Variants in DLGAP1 observed in about 807,000 individuals in gnomAD.
DLGAP1 encodes the protein DLG associated protein 1, also known as disks large-associated protein 1.
A neutral mutation model predicts 90.8 loss-of-function variants in DLGAP1; 11 were observed. The ratio of observed to expected loss-of-function variants is 0.12; its 90% CI spans 0.08 to 0.20. The LOEUF (loss-of-function observed/expected upper bound fraction) is 0.20, where lower values mean the gene tolerates loss of function less well. Ranked by LOEUF, DLGAP1 falls within the 10% of genes least tolerant of loss-of-function variation. The probability of loss-of-function intolerance (pLI) is 1.00; values close to 1 mark genes in which losing one functional copy is unlikely to be tolerated. For missense variants in DLGAP1, 1,050 were observed against 1,333.8 expected (o/e 0.79, Z 3.31); for synonymous variants, 558 against 540.7 (o/e 1.03, Z -0.44).
chr18:3,639,456 G>A (rs2058845048), intron 7 of DLGAP1, among the ~76,000 whole-genome samples: 1 of 152,120 alleles, frequency 6.6e-6, no homozygotes, highest in Non-Finnish European at 1.5e-5. Flanking sequence ...GCGTCCAGAG[G>A]AGCCTGCACA....
intron 1 of DLGAP1, among the ~76,000 whole-genome samples, chr18:4,368,412 T>C (rs1178243790): frequency 6.6e-6 from 1 of 152,118 alleles, no homozygotes; most frequent in African/African-American, 2.4e-5. Context: ...TAAAGCAGAT[T>C]ACTCTCTAAA....
chr18:4,233,315 T>C (rs920799631), intron 1 of DLGAP1, among the ~76,000 whole-genome samples: 2 of 152,190 alleles, frequency 1.3e-5, no homozygotes, highest in Non-Finnish European at 2.9e-5. Context: ...TGGCAATTCC[T>C]TAGTATTTCC....
intron 7 of DLGAP1, among the ~76,000 whole-genome samples, chr18:3,646,542 T>A (rs1408827713): frequency 6.6e-6 from 1 of 152,334 alleles, no homozygotes; most frequent in Middle Eastern, 3.4e-3. Context: ...ATTAGTTAGA[T>A]TGCCATTAGA....
chr18:4,180,102 C>T (rs954890611), intron 1 of DLGAP1, among the ~76,000 whole-genome samples: 4 of 152,284 alleles, frequency 2.6e-5, no homozygotes, highest in East Asian at 3.9e-4. Flanking sequence ...CACAATCATG[C>T]GTGCATCAAA....
At chr18:4,375,566 C>G (rs576229376) in intron 1 of DLGAP1, among the ~76,000 whole-genome samples, 1 of 152,164 alleles carries the variant, frequency 6.6e-6, no homozygotes, top group East Asian at 1.9e-4. Flanking sequence ...CTTTCTAAAG[C>G]AAATGATTTT....
chr18:3,522,432 C>T lies in DLGAP1; in HGVS notation c.2479+11762G>A, dbSNP rs536769341. Among the ~76,000 whole-genome samples the T allele has an allele frequency of 5.8e-4, 88 of 151,868 alleles. 1 individual carries two copies. The South Asian group carries it at 0.011, about 18-fold the overall frequency. On this transcript the variant is annotated intron_variant, in intron 10 of 12. Transcript: ENST00000315677. ...GATTACAGGTGTGAGCCGCTGTACTCGGCCTCCCACCTAGCTTTTTCCCCC... is the reference window on the plus strand; with the variant it reads ...GATTACAGGTGTGAGCCGCTGTACTTGGCCTCCCACCTAGCTTTTTCCCCC...
chr18:3,709,157 G>A (rs952304312), intron 7 of DLGAP1, among the ~76,000 whole-genome samples: 1 of 152,156 alleles, frequency 6.6e-6, no homozygotes, highest in Non-Finnish European at 1.5e-5. Flanking sequence ...GATGGCAAGT[G>A]CTATGAAGAA....
At position 3,711,035 on chromosome 18, in the gene DLGAP1, C is replaced by T. The variant is rs952738991; in HGVS notation, c.1591+18100G>A. Among the ~76,000 whole-genome samples, 6 of 152,306 alleles carry T rather than the reference C, an allele frequency of 3.9e-5. No individual in the cohort carries two copies. The highest frequency in any genetic ancestry group is 2.1e-4 in the South Asian group (1 of 4,820). On this transcript the variant is annotated intron_variant, in intron 7 of 12. Coordinates refer to ENST00000315677, the MANE Select transcript of DLGAP1 (RefSeq NM_004746.4). This position sits in a 1 kb window ranked among gnomAD's most constrained non-coding sequence, Gnocchi z 4.0. Reference sequence around the variant, plus strand: ...AGTGAGGGCAAGAAGAAGGCCAGTGCGTCTGCAACAGAAGAGTCCAGAAAC... The same window carrying T: ...AGTGAGGGCAAGAAGAAGGCCAGTGTGTCTGCAACAGAAGAGTCCAGAAAC...
rs981175132 is a variant in DLGAP1 at position 3,627,012 on chromosome 18, T to G, written c.1592-44764A>C. Among the ~76,000 whole-genome samples the G allele has an allele frequency of 4.6e-5, 7 of 152,210 alleles. No homozygotes were observed. In the East Asian group the frequency reaches 5.8e-4, roughly 13 times the overall value. On this transcript the variant is annotated intron_variant, in intron 7 of 12. Transcript: ENST00000315677. ...GTGCACTTTAAACGAGTGGATTTTA[T>G]GACATATGAGTCATATTTCAATAAG...
intron 1 of DLGAP1, among the ~76,000 whole-genome samples, chr18:4,304,080 T>C (rs1322480933): frequency 6.6e-6 from 1 of 152,242 alleles, no homozygotes; most frequent in East Asian, 1.9e-4. Flanking sequence ...TTGTTGATCT[T>C]GGCATGTACA....
At chr18:4,206,520 ACTC>A (rs1443393577) in intron 1 of DLGAP1, among the ~76,000 whole-genome samples, 1 of 151,456 alleles carries the variant, frequency 6.6e-6, no homozygotes, top group African/African-American at 2.4e-5. Flanking sequence ...GGGAGGGAAA[ACTC>A]CTCAGGCCAG....
At chr18:4,128,048 T>G (rs1251941361) in intron 2 of DLGAP1, among the ~76,000 whole-genome samples, 2 of 152,144 alleles carry the variant, frequency 1.3e-5, no homozygotes, top group East Asian at 3.9e-4. Flanking sequence ...ACACAATATT[T>G]CCCCTCAATA....
At chr18:3,732,740 T>C (rs926580838) in intron 6 of DLGAP1, among the ~76,000 whole-genome samples, 4 of 152,200 alleles carry the variant, frequency 2.6e-5, no homozygotes, top group Non-Finnish European at 4.4e-5. Flanking sequence ...TGATATCTGG[T>C]ATGACAAGGT....
intron 7 of DLGAP1, among the ~76,000 whole-genome samples, chr18:3,690,094 G>GTTTT (rs77999372): frequency 2.5e-4 from 29 of 116,890 alleles, no homozygotes; most frequent in Non-Finnish European, 3.7e-4. Flanking sequence ...GCTGGGTGAG[G>GTTTT]TTTTTTTTTT....
intron 3 of DLGAP1, among the ~76,000 whole-genome samples, chr18:3,994,374 T>G (rs988919): frequency 0.27 from 41,473 of 152,112 alleles, 5,795 homozygotes; most frequent in Middle Eastern, 0.4. Context: ...ACTGTGCTTG[T>G]CTCTGGGTAC....
chr18:4,074,325 G>A (rs1257278688), intron 2 of DLGAP1, among the ~76,000 whole-genome samples: 1 of 151,922 alleles, frequency 6.6e-6, no homozygotes, highest in African/African-American at 2.4e-5. Context: ...ACACTATTTT[G>A]ATTATACATC....
chr18:4,222,045 T>C (rs933970898), intron 1 of DLGAP1, among the ~76,000 whole-genome samples: 3 of 152,150 alleles, frequency 2.0e-5, no homozygotes, highest in African/African-American at 7.2e-5. Context: ...GTATTAAATA[T>C]ATTAGTTTCT....
In DLGAP1 at chr18:3,814,078, T is replaced by C. The variant is rs1191630946; in HGVS notation, c.1153A>G (p.Thr385Ala). The C allele has an allele frequency of 1.4e-5, 23 of 1,613,988 alleles. No homozygotes were observed. Among genetic ancestry groups the C allele is most frequent in the Non-Finnish European group, 1.8e-5 (21 of 1,180,010 alleles). ...ACTCACTTGAGTGTGGTGAGTTCTGTAAGGGATGGCTGAGTAGCCTTGAGA... is the reference window on the plus strand; with the variant it reads ...ACTCACTTGAGTGTGGTGAGTTCTGCAAGGGATGGCTGAGTAGCCTTGAGA... Reference protein sequence around the residue: ...SYLKATQPSLTELTTLKISNE... With the variant: ...SYLKATQPSLAELTTLKISNE... Residue 385 changes from threonine to alanine, a missense_variant, in exon 5 of 13, where the codon ACA (threonine) becomes GCA (alanine). Thr to Ala is a moderately conservative substitution (Grantham distance 58). Around this residue, in one of 2 missense-constraint regions of DLGAP1, gnomAD observed 565 missense variants for 879.7 expected, o/e 0.64. Coordinates refer to ENST00000315677, the MANE Select transcript of DLGAP1 (RefSeq NM_004746.4).
At chr18:4,074,815 G>A (rs949583828) in intron 2 of DLGAP1, among the ~76,000 whole-genome samples, 1 of 152,128 alleles carries the variant, frequency 6.6e-6, no homozygotes, top group African/African-American at 2.4e-5. Flanking sequence ...TCCCAAAAAT[G>A]TAAATGTAAG....
Sources: allele counts gnomAD v4.1 joint callset (sites outside exome capture counted in the v4.1 genomes callset), GRCh38; gene constraint gnomAD v4.1.1; regional missense constraint gnomAD v4.1.1; non-coding constraint Gnocchi (gnomAD v3.1); transcripts MANE v1.5; gene names NCBI Gene and HGNC (gene_info 2026-07-23, HGNC 2026-07-21).